USF3: variants seen among roughly 807,000 people sequenced by gnomAD.
The protein encoded by USF3 is upstream transcription factor family member 3.
Under a neutral mutation model 157.5 loss-of-function variants are expected in USF3, and 29 were observed. The ratio of observed to expected loss-of-function variants is 0.18; its 90% CI spans 0.14 to 0.25. The LOEUF (loss-of-function observed/expected upper bound fraction) is 0.25. Ranked by LOEUF, USF3 falls within the 10% of genes least tolerant of loss-of-function variation. The pLI, the probability that USF3 is intolerant of heterozygous loss-of-function variation, is 1.00. For missense variants in USF3, 2,381 were observed against 2,667.6 expected (o/e 0.89, Z 2.37); for synonymous variants, 893 against 941.4 (o/e 0.95, Z 0.94).
Position 113,679,698 on chromosome 3 carries a change from G to A in USF3, c.-134-2301C>T, listed in dbSNP as rs375590890. On this transcript the variant is annotated intron_variant, in intron 1 of 6. Coordinates refer to ENST00000316407, the MANE Select transcript of USF3 (RefSeq NM_001009899.4). The stretch of plus-strand genomic sequence containing the variant: ...CAAAGTGCTGGGATTACAGGCATAA[G>A]CCACCACGCCCAGCCTCAGAAAGTT... 2.0e-4 allele frequency among the ~76,000 whole-genome samples: 30 copies of A among 152,206 alleles called. No individual in the cohort carries two copies. In the East Asian group the frequency reaches 3.9e-3, roughly 20 times the overall value.
In USF3 at chr3:113,664,083, T is replaced by C. The variant is rs80262483; in HGVS notation, c.256+230A>G. 3.9e-3 allele frequency among the ~76,000 whole-genome samples: 591 copies of C among 152,266 alleles called. 4 individuals carry two copies. Among genetic ancestry groups the C allele is most frequent in the African/African-American group, 0.013 (559 of 41,552 alleles). On this transcript the variant is annotated intron_variant, in intron 6 of 6. Transcript: ENST00000316407. ...GCAAACATGAAATACACAGAAGAGT[T>C]CAAAGTCAAAACTATGTATGCCTAC...
At position 113,670,172 on chromosome 3, in the gene USF3, A is replaced by G. The variant is rs1707116057; in HGVS notation, c.108T>C (p.Ala36=). 6.2e-7 allele frequency: 1 copy of G among 1,613,502 alleles called. No homozygotes were observed. Among genetic ancestry groups the G allele is most frequent in the South Asian group, 1.1e-5 (1 of 91,086 alleles). Residue 36 remains alanine, a synonymous_variant, in exon 5 of 7, where the codon GCT becomes GCC. Transcript: ENST00000316407. ...TCAGCTCTCCTATTCTGTTTATCCC[A>G]GCATTAATTTTCTTCTTTCTATGCC... The part of the protein sequence containing the change: ...VERHRKKKIN[A]GINRIGELIP...
chr3:113,680,555 T>A (rs2107950948), intron 1 of USF3, among the ~76,000 whole-genome samples: 1 of 152,298 alleles, frequency 6.6e-6, no homozygotes. Context: ...CTCACGCTTG[T>A]AATCCCAGCA....
chr3:113,672,512 C>CAA (rs201089281), intron 4 of USF3, among the ~76,000 whole-genome samples: 1 of 150,030 alleles, frequency 6.7e-6, no homozygotes, highest in Non-Finnish European at 1.5e-5. Context: ...ATTTATACAG[C>CAA]AAAAAAAAAT....
intron 5 of USF3, among the ~76,000 whole-genome samples, chr3:113,665,598 G>A (rs1392508384): frequency 1.3e-5 from 2 of 152,114 alleles, no homozygotes; most frequent in East Asian, 1.9e-4. Flanking sequence ...AGGCCGAGGC[G>A]GGCAGACACT....
Position 113,656,424 on chromosome 3 carries a change from T to C in USF3, c.5258A>G (p.Gln1753Arg). Residue 1753 changes from glutamine to arginine, a missense_variant, in exon 7 of 7, where the codon CAA becomes CGA. Around this residue, in one of 6 missense-constraint regions of USF3, gnomAD observed 770 missense variants for 824.2 expected, o/e 0.93. Transcript: ENST00000316407. ...SQQPQSNFEV[Q>R]SSRNNEIGNP... Reference sequence around the variant, plus strand: ...ACCTATTTCATTGTTTCTTGAAGATTGTACTTCAAAATTACTCTGGGGCTG... The same window carrying C: ...ACCTATTTCATTGTTTCTTGAAGATCGTACTTCAAAATTACTCTGGGGCTG... 1 of 1,614,188 alleles carries C rather than the reference T, an allele frequency of 6.2e-7. No individual in the cohort carries two copies. Among genetic ancestry groups the C allele is most frequent in the Non-Finnish European group, 8.5e-7 (1 of 1,180,010 alleles).
chr3:113,693,801 T>C (rs1418971555), intron 1 of USF3, among the ~76,000 whole-genome samples: 1 of 152,116 alleles, frequency 6.6e-6, no homozygotes, highest in Non-Finnish European at 1.5e-5. Flanking sequence ...TTCATAAAAG[T>C]GTAATTAGAA....
chr3:113,650,031 C>G lies in USF3; in HGVS notation c.*4913G>C, dbSNP rs1947233976. The G allele has an allele frequency of 2.0e-5, 12 of 602,290 alleles. No individual in the cohort carries two copies. The South Asian group carries it at 2.2e-4, about 11-fold the overall frequency. The allele number at this position is 602,290 out of a possible 1,614,324, so 37.3% of individuals were successfully genotyped here. A position where few individuals can be genotyped will look rare whatever the true frequency, so the allele number is the denominator to read the frequency against. ...AAAATCATCACTCACAGATTAACTT[C>G]ACTAGTTTGTCTGGTTGTTGGCTAT... On this transcript the variant is annotated 3_prime_UTR_variant, in exon 7 of 7. Coordinates refer to ENST00000316407, the MANE Select transcript of USF3 (RefSeq NM_001009899.4).
intron 1 of USF3, among the ~76,000 whole-genome samples, chr3:113,689,819 T>C (rs1461094116): frequency 1.3e-5 from 2 of 152,250 alleles, no homozygotes; most frequent in African/African-American, 4.8e-5. Flanking sequence ...TCTCTCTTTC[T>C]TGAAATTCTC....
intron 5 of USF3, among the ~76,000 whole-genome samples, chr3:113,666,568 C>CTTTTT (rs775533373): frequency 7.3e-5 from 8 of 109,108 alleles, no homozygotes; most frequent in East Asian, 2.8e-4. Context: ...TTATTGTTTC[C>CTTTTT]TTTTTTTTTT....
intron 1 of USF3, among the ~76,000 whole-genome samples, chr3:113,687,079 T>C (rs1302064102): frequency 6.6e-6 from 1 of 152,218 alleles, no homozygotes; most frequent in Non-Finnish European, 1.5e-5. Flanking sequence ...ATTTATTCAA[T>C]AATTTACTTA....
rs1947332531 is a variant in USF3 at position 113,655,221 on chromosome 3, G to C, written c.6461C>G (p.Ser2154Ter). ...AACAGGTCTGGGAGGAGATAAAATT[G>C]ATCCAAATCGGTTATTTAAACTTCC... Reference protein sequence around the residue: ...NSGSLNNRFGSILSPPRPVGF... With the variant: ...NSGSLNNRFG Residue 2154 changes from serine to a stop codon, truncating the protein, a stop_gained, in exon 7 of 7, where the codon TCA (serine) becomes TGA (stop). Coordinates refer to ENST00000316407, the MANE Select transcript of USF3 (RefSeq NM_001009899.4). LOFTEE classifies it high-confidence loss of function. 6.2e-7 allele frequency: 1 copy of C among 1,614,046 alleles called. No individual in the cohort carries two copies. Among genetic ancestry groups the C allele is most frequent in the African/African-American group, 1.3e-5 (1 of 74,926 alleles).
chr3:113,661,894 C>T (rs1301723890), intron 6 of USF3, among the ~76,000 whole-genome samples: 3 of 152,130 alleles, frequency 2.0e-5, no homozygotes, highest in African/African-American at 7.2e-5. Flanking sequence ...TGACCCAGGC[C>T]GGAGTGCAGT....
chr3:113,655,888 T>C lies in USF3; in HGVS notation c.5794A>G (p.Lys1932Glu). Residue 1932 changes from lysine to glutamate, a missense_variant, in exon 7 of 7, where the codon AAG (lysine) becomes GAG (glutamate). This residue lies in a region of USF3 where 770 missense variants were observed against 824.2 expected (regional missense o/e 0.93). Transcript: ENST00000316407. ...PMRITESHAT[K>E]GHMNPPVTTN... is the part of the protein sequence containing the mutation. The stretch of plus-strand genomic sequence containing the variant: ...GTGACTGGAGGGTTCATGTGGCCCT[T>C]GGTGGCATGACTCTCAGTAATCCTC... 1 of 1,614,154 alleles carries C rather than the reference T, an allele frequency of 6.2e-7. No homozygotes were observed. Among genetic ancestry groups the C allele is most frequent in the East Asian group, 2.2e-5 (1 of 44,886 alleles).
At chr3:113,661,849 T>C (rs950683310) in intron 6 of USF3, among the ~76,000 whole-genome samples, 54 of 152,218 alleles carry the variant, frequency 3.5e-4, no homozygotes, top group African/African-American at 1.3e-3. Flanking sequence ...CTCTTTATTT[T>C]TTATTTTATT....
chr3:113,682,016 C>T (rs934536620), intron 1 of USF3, among the ~76,000 whole-genome samples: 1 of 152,130 alleles, frequency 6.6e-6, no homozygotes, highest in Non-Finnish European at 1.5e-5. Context: ...ACCAGGGAAA[C>T]CCGGCTAAAA....
intron 1 of USF3, among the ~76,000 whole-genome samples, chr3:113,693,340 G>A (rs1047077055): frequency 2.0e-5 from 3 of 152,232 alleles, no homozygotes; most frequent in East Asian, 1.9e-4. Flanking sequence ...CTGGTTAGCA[G>A]TATGGTGGGG....
chr3:113,655,949 T>C lies in USF3; in HGVS notation c.5733A>G (p.Thr1911=), dbSNP rs1947349493. The C allele has an allele frequency of 1.2e-6, 2 of 1,614,024 alleles. No homozygotes were observed. The highest frequency in any genetic ancestry group is 1.7e-5 in the Admixed American group (1 of 60,010). ...SSSGDIQGRN[T]SPNVSVQKSN... ...ATTTCTGTACAGAAACATTGGGGCT[T>C]GTGTTTCGACCTTGAATATCTCCTG... Residue 1911 remains threonine, a synonymous_variant, in exon 7 of 7, where the codon ACA becomes ACG. Transcript: ENST00000316407.
intron 3 of USF3, among the ~76,000 whole-genome samples, chr3:113,674,487 TAC>T (rs1707232228): frequency 6.6e-6 from 1 of 152,058 alleles, no homozygotes; most frequent in African/African-American, 2.4e-5. Context: ...GAACTACAGG[TAC>T]ATGCCACCAT....
Sources: gnomAD v4.1 joint callset for allele counts (sites outside exome capture counted in the v4.1 genomes callset) on GRCh38, gnomAD v4.1.1 for gene constraint, gnomAD v4.1.1 regional missense constraint, MANE v1.5 for transcripts, NCBI Gene and HGNC (gene_info 2026-07-23, HGNC 2026-07-21) for gene names.